MECOM: variants seen among roughly 807,000 people sequenced by gnomAD.
MECOM encodes histone-lysine N-methyltransferase MECOM.
A neutral mutation model predicts 116.3 loss-of-function variants in MECOM; 13 were observed. That is an observed-to-expected ratio of 0.11 (90% CI 0.07 to 0.18). The LOEUF is 0.18. Ranked by LOEUF, MECOM falls within the 10% of genes least tolerant of loss-of-function variation. MECOM has a pLI of 1.00. For synonymous variants in MECOM, 528 were observed against 535.2 expected (o/e 0.99, Z 0.19); for missense variants, 1,299 against 1,509.0 (o/e 0.86, Z 2.31).
At chr3:169,437,864 A>C (rs115387649) in intron 1 of MECOM, among the ~76,000 whole-genome samples, 2 of 152,192 alleles carry the variant, frequency 1.3e-5, no homozygotes, top group Non-Finnish European at 2.9e-5. Context: ...GCCTAATTGC[A>C]ATGTCATATA....
At chr3:169,527,913 G>A (rs1758147053) in intron 1 of MECOM, among the ~76,000 whole-genome samples, 1 of 152,192 alleles carries the variant, frequency 6.6e-6, no homozygotes, top group Non-Finnish European at 1.5e-5. Flanking sequence ...TTTGCTAACT[G>A]TGTCATCTGT....
intron 1 of MECOM, among the ~76,000 whole-genome samples, chr3:169,471,301 CT>C (rs939654414): frequency 1.3e-5 from 2 of 151,460 alleles, no homozygotes; most frequent in Admixed American, 1.3e-4. Context: ...CTCAATGTCT[CT>C]TTTTTTTAAA....
chr3:169,308,332 C>T (rs949936685), intron 2 of MECOM, among the ~76,000 whole-genome samples: 2 of 152,092 alleles, frequency 1.3e-5, no homozygotes, highest in African/African-American at 4.8e-5. Context: ...TTAAGCATTT[C>T]CTGAATATTG....
intron 1 of MECOM, among the ~76,000 whole-genome samples, chr3:169,634,297 T>C (rs1324410690): frequency 6.6e-6 from 1 of 152,100 alleles, no homozygotes; most frequent in Non-Finnish European, 1.5e-5. Context: ...GATAAGCAAG[T>C]ATTAGCCAGC....
chr3:169,636,207 G>T (rs1772730414), intron 1 of MECOM, among the ~76,000 whole-genome samples: 1 of 152,168 alleles, frequency 6.6e-6, no homozygotes, highest in African/African-American at 2.4e-5. Context: ...TTCACCAGAT[G>T]TCTAACTCAC....
Position 169,347,213 on chromosome 3 carries a change from A to G in MECOM, c.375+33974T>C, listed in dbSNP as rs916392296. On this transcript the variant is annotated intron_variant, in intron 2 of 16. Transcript: ENST00000651503. ...TATATTTAGAGAGATGATACACAAT[A>G]AAAACATTGGTTGTACTTCATGGGG... 7.2e-5 allele frequency among the ~76,000 whole-genome samples: 11 copies of G among 152,182 alleles called. No homozygotes were observed. In the East Asian group the frequency reaches 2.1e-3, roughly 29 times the overall value.
intron 1 of MECOM, among the ~76,000 whole-genome samples, chr3:169,498,555 G>T (rs1423024997): frequency 6.6e-6 from 1 of 152,152 alleles, no homozygotes; most frequent in African/African-American, 2.4e-5. Context: ...ACTGCATAAA[G>T]CCAGAGTTAA....
At chr3:169,243,543 T>TA (rs200333719) in intron 2 of MECOM, among the ~76,000 whole-genome samples, 2,561 of 152,112 alleles carry the variant, frequency 0.017, 38 homozygotes, top group Non-Finnish European at 0.026. Flanking sequence ...ACAATATTGT[T>TA]AAAAAAAATT....
intron 1 of MECOM, among the ~76,000 whole-genome samples, chr3:169,397,419 C>G (rs1735185494): frequency 6.6e-6 from 1 of 152,114 alleles, no homozygotes; most frequent in African/African-American, 2.4e-5. Context: ...TATTTCAGCC[C>G]AAAGTGCAGG....
chr3:169,282,716 T>C (rs987720095), intron 2 of MECOM, among the ~76,000 whole-genome samples: 2 of 152,156 alleles, frequency 1.3e-5, no homozygotes, highest in African/African-American at 4.8e-5. Context: ...CAAGCATTTA[T>C]CATCACATAC....
Position 169,186,317 on chromosome 3 carries a change from GAAGA to G in MECOM, c.376-42489_376-42486del, listed in dbSNP as rs1301542404. Among the ~76,000 whole-genome samples, 12 of 133,028 alleles carry G rather than the reference GAAGA, an allele frequency of 9.0e-5. No individual in the cohort carries two copies. The East Asian group carries it at 9.5e-4, about 11-fold the overall frequency. The allele number at this position is 133,028 out of a possible 152,430, so 87.3% of individuals were successfully genotyped here. On this transcript the variant is annotated intron_variant, in intron 2 of 16. Transcript: ENST00000651503. ...AAGGTAGGGAAAGATGGAAAGGAAG[GAAGA>G]AAGGAAGGAAGGAGGGAGGGAGGGA...
chr3:169,538,247 C>T (rs79708484), intron 1 of MECOM, among the ~76,000 whole-genome samples: 22,653 of 152,202 alleles, frequency 0.15, 2,126 homozygotes, highest in East Asian at 0.36. Context: ...ATTTCTTTCT[C>T]TTTTATTCTA....
At chr3:169,586,477 A>G (rs1446019953) in intron 1 of MECOM, among the ~76,000 whole-genome samples, 1 of 152,168 alleles carries the variant, frequency 6.6e-6, no homozygotes, top group African/African-American at 2.4e-5. Flanking sequence ...ACCAACATTA[A>G]TTTTCACAAC....
Position 169,663,656 on chromosome 3 carries a change from A to G in MECOM, c.-284T>C, listed in dbSNP as rs2110158933. On this transcript the variant is annotated 5_prime_UTR_variant, in exon 1 of 17. An upstream start codon of the reference 5' UTR is lost. Coordinates refer to ENST00000651503, the MANE Select transcript of MECOM (RefSeq NM_004991.4). ...AATCCACACTCGCTATCTCTCCAGC[A>G]TTGTCAGTTTGGACACCTTCGCACA... The G allele has an allele frequency of 4.3e-6, 2 of 467,512 alleles. No homozygotes were observed. The highest frequency in any genetic ancestry group is 3.8e-6 in the Non-Finnish European group (1 of 264,162). 29.0% of individuals were successfully genotyped at this position (467,512 alleles called of 1,614,324 possible). A position where few individuals can be genotyped will look rare whatever the true frequency, so the allele number is the denominator to read the frequency against.
chr3:169,231,095 G>C (rs976712307), intron 2 of MECOM, among the ~76,000 whole-genome samples: 2 of 151,736 alleles, frequency 1.3e-5, no homozygotes. Context: ...TGACAATTCT[G>C]GATGTTATTG....
At chr3:169,384,466 C>G (rs1260130097) in intron 1 of MECOM, among the ~76,000 whole-genome samples, 4 of 152,062 alleles carry the variant, frequency 2.6e-5, no homozygotes, top group Non-Finnish European at 4.4e-5. Flanking sequence ...GCAATTCAAC[C>G]TAACATTTAA....
At chr3:169,484,094 T>A in intron 1 of MECOM, 1 of 868,980 alleles carries the variant, frequency 1.2e-6, no homozygotes, top group Non-Finnish European at 1.8e-6. Context: ...TCTATTGTTA[T>A]TCTGTTATAT....
chr3:169,472,331 G>A (rs1749402507), intron 1 of MECOM, among the ~76,000 whole-genome samples: 1 of 149,010 alleles, frequency 6.7e-6, no homozygotes, highest in Non-Finnish European at 1.5e-5. Flanking sequence ...AGGTTCACTT[G>A]AGCCCAGGAG....
chr3:169,636,043 G>T (rs965649293), intron 1 of MECOM, among the ~76,000 whole-genome samples: 1 of 152,056 alleles, frequency 6.6e-6, no homozygotes, highest in Non-Finnish European at 1.5e-5. Flanking sequence ...TTTTATATTG[G>T]CCATATACCC....
Sources: gnomAD v4.1 joint callset for allele counts (sites outside exome capture counted in the v4.1 genomes callset) on GRCh38, gnomAD v4.1.1 for gene constraint, MANE v1.5 for transcripts, NCBI Gene and HGNC (gene_info 2026-07-23, HGNC 2026-07-21) for gene names.